CNTN5: variants seen among roughly 807,000 people sequenced by gnomAD.
The protein encoded by CNTN5 is contactin 5, also known as contactin-5.
In CNTN5, 77 loss-of-function variants were observed where a neutral mutation model predicts 129.1. The ratio of observed to expected loss-of-function variants is 0.60; its 90% confidence interval spans 0.50 to 0.72. The LOEUF is 0.72. Among genes scored for constraint, CNTN5 ranks in the 30% least tolerant of loss-of-function variants. The probability of loss-of-function intolerance (pLI) is 0.00; values close to 1 mark genes in which losing one functional copy is unlikely to be tolerated. For synonymous variants in CNTN5, 509 were observed against 465.6 expected, an observed-to-expected ratio of 1.09 and a Z score of -1.20; for missense variants, 1,478 against 1,328.8, an observed-to-expected ratio of 1.11 and a Z score of -1.75.
intron 6 of CNTN5, among the ~76,000 whole-genome samples, chr11:99,872,926 C>T (rs952536529): frequency 6.6e-6 from 1 of 151,992 alleles, no homozygotes; most frequent in African/African-American, 2.4e-5. Context: ...GCTAACCAAC[C>T]GTATACTAAT....
intron 1 of CNTN5, among the ~76,000 whole-genome samples, chr11:99,175,328 C>A (rs557636204): frequency 6.6e-6 from 1 of 152,024 alleles, no homozygotes; most frequent in South Asian, 2.1e-4. Flanking sequence ...GAAGAAAGGA[C>A]AACATAGCTC....
At chr11:99,066,711 T>C (rs1160038270) in intron 1 of CNTN5, among the ~76,000 whole-genome samples, 3 of 152,174 alleles carry the variant, frequency 2.0e-5, no homozygotes, top group Admixed American at 1.3e-4. Flanking sequence ...GGGAACCTAA[T>C]TGATCAGTGG....
chr11:99,705,833 C>T (rs968492046), intron 3 of CNTN5, among the ~76,000 whole-genome samples: 3 of 151,258 alleles, frequency 2.0e-5, no homozygotes, highest in Admixed American at 6.6e-5. Context: ...GATGAGATTA[C>T]ATAGTCCTGA....
At chr11:99,475,466 A>C (rs1226522674) in intron 2 of CNTN5, among the ~76,000 whole-genome samples, 1 of 152,214 alleles carries the variant, frequency 6.6e-6, no homozygotes, top group Non-Finnish European at 1.5e-5. Flanking sequence ...ATCTGAAAAC[A>C]GTCATTTATT....
chr11:99,740,982 C>A (rs932770455), intron 3 of CNTN5, among the ~76,000 whole-genome samples: 1 of 152,102 alleles, frequency 6.6e-6, no homozygotes, highest in Non-Finnish European at 1.5e-5. Flanking sequence ...CCAATTCAAA[C>A]TTTACCTATT....
chr11:99,579,743 G>A (rs969952984), intron 3 of CNTN5, among the ~76,000 whole-genome samples: 3 of 148,180 alleles, frequency 2.0e-5, no homozygotes, highest in African/African-American at 5.1e-5. Context: ...GAGACGATGG[G>A]GTTTTCTAGA....
chr11:99,839,971 T>TAA (rs1324970619), intron 4 of CNTN5, among the ~76,000 whole-genome samples: 1 of 151,794 alleles, frequency 6.6e-6, no homozygotes, highest in Non-Finnish European at 1.5e-5. Context: ...GACTGAAAGT[T>TAA]AAAAAGGCCA....
intron 2 of CNTN5, among the ~76,000 whole-genome samples, chr11:99,542,963 C>T (rs2135500478): frequency 6.6e-6 from 1 of 152,316 alleles, no homozygotes; most frequent in African/African-American, 2.4e-5. Context: ...AAGGCTGCCT[C>T]ATAAAGGCCA....
At chr11:99,430,386 T>TATATAC (rs150914575) in intron 2 of CNTN5, among the ~76,000 whole-genome samples, 1 of 150,558 alleles carries the variant, frequency 6.6e-6, no homozygotes, top group Non-Finnish European at 1.5e-5. Flanking sequence ...CGCATGTGTG[T>TATATAC]ATATACATAT....
At chr11:99,430,470 AAGAGATTT>A (rs1943317598) in intron 2 of CNTN5, among the ~76,000 whole-genome samples, 1 of 149,358 alleles carries the variant, frequency 6.7e-6, no homozygotes, top group African/African-American at 2.4e-5. Flanking sequence ...ATATATATAT[AAGAGATTT>A]ATATATATTT....
At chr11:99,534,415 G>A (rs10893473) in intron 2 of CNTN5, among the ~76,000 whole-genome samples, 8,293 of 152,220 alleles carry the variant, frequency 0.054, 315 homozygotes, top group Non-Finnish European at 0.077. Flanking sequence ...ATGTTAAACC[G>A]TAGGATAGAA....
intron 2 of CNTN5, among the ~76,000 whole-genome samples, chr11:99,528,973 G>T (rs1947595586): frequency 6.6e-6 from 1 of 151,946 alleles, no homozygotes; most frequent in South Asian, 2.1e-4. Context: ...TACTAGGGAG[G>T]CTGAGGCAGA....
intron 7 of CNTN5, among the ~76,000 whole-genome samples, chr11:99,918,228 A>C (rs376070665): frequency 1.3e-5 from 2 of 152,098 alleles, no homozygotes; most frequent in East Asian, 1.9e-4. Context: ...TTGCTTTCGC[A>C]CACTGACATT....
chr11:100,207,548 A>G (rs1948943012), intron 15 of CNTN5, among the ~76,000 whole-genome samples: 1 of 152,118 alleles, frequency 6.6e-6, no homozygotes, highest in African/African-American at 2.4e-5. Flanking sequence ...AAAATACTGC[A>G]TTTTATCCTT....
intron 2 of CNTN5, among the ~76,000 whole-genome samples, chr11:99,432,539 G>A (rs1943431388): frequency 7.9e-6 from 1 of 126,212 alleles, no homozygotes; most frequent in Non-Finnish European, 1.7e-5. Flanking sequence ...TTTTTTAGGG[G>A]CGAATGGGGT....
At chr11:99,168,903 A>G (rs1861015425) in intron 1 of CNTN5, among the ~76,000 whole-genome samples, 1 of 152,260 alleles carries the variant, frequency 6.6e-6, no homozygotes, top group African/African-American at 2.4e-5. Flanking sequence ...TGATTTGAAC[A>G]TTTGTGCTTA....
At chr11:99,952,542 A>G (rs10894186) in intron 7 of CNTN5, among the ~76,000 whole-genome samples, 50,140 of 151,904 alleles carry the variant, frequency 0.33, 9,224 homozygotes, top group Non-Finnish European at 0.42. Flanking sequence ...TTTATTTTTT[A>G]TTTTTTTGAT....
chr11:100,079,779 A>T (rs1944288011), intron 13 of CNTN5, among the ~76,000 whole-genome samples: 2 of 152,142 alleles, frequency 1.3e-5, no homozygotes, highest in Non-Finnish European at 2.9e-5. Flanking sequence ...AATAAACTCC[A>T]GAAGTACTAG....
intron 3 of CNTN5, among the ~76,000 whole-genome samples, chr11:99,721,280 A>G (rs530935972): frequency 2.6e-5 from 4 of 152,194 alleles, no homozygotes; most frequent in Admixed American, 2.6e-4. Context: ...GTAGTGGTGG[A>G]AAAACAGGCA....
Sources: allele counts gnomAD v4.1 joint callset (sites outside exome capture counted in the v4.1 genomes callset), GRCh38; gene constraint gnomAD v4.1.1; transcripts MANE v1.5; gene names NCBI Gene and HGNC (gene_info 2026-07-23, HGNC 2026-07-21).